The following ADAMTSL1 variants were observed in gnomAD, a reference collection of about 807,000 sequenced individuals.
The protein encoded by ADAMTSL1 is ADAMTS like 1, also known as ADAMTS-like protein 1.
Under a neutral mutation model 201.8 loss-of-function variants are expected in ADAMTSL1, and 126 were observed. The observed-to-expected ratio is 0.62, with a 90% confidence interval of 0.54 to 0.72. ADAMTSL1 has a LOEUF of 0.72. ADAMTSL1 is among the 30% of genes least tolerant of loss of function. The pLI is 0.00. For synonymous variants in ADAMTSL1, 1,121 were observed against 903.4 expected (o/e 1.24, Z -4.32); for missense variants, 2,679 against 2,277.8 (o/e 1.18, Z -3.59).
At position 18,157,038 on chromosome 9, in the gene ADAMTSL1, C is replaced by G. The variant is rs1008737365; in HGVS notation, c.88-6824C>G. ...TCTCAAAACCCATGTTCTCTCTACC[C>G]TACATCTAGGAAGGTGATGTCCTCC... On this transcript the variant is annotated intron_variant, in intron 1 of 29. Transcript: ENST00000680146. Among the ~76,000 whole-genome samples, 66 of 151,990 alleles carry G rather than the reference C, an allele frequency of 4.3e-4. 2 individuals are homozygous for G. Among genetic ancestry groups the G allele is most frequent in the Non-Finnish European group, 1.5e-4 (10 of 67,946 alleles).
At chr9:17,909,158 T>G (rs577013042) in intron 1 of ADAMTSL1, among the ~76,000 whole-genome samples, 140 of 146,268 alleles carry the variant, frequency 9.6e-4, no homozygotes, top group Non-Finnish European at 1.3e-3. Flanking sequence ...GCCCACTTTT[T>G]GATGGGGTTG....
Position 18,116,201 on chromosome 9 carries a change from C to T in ADAMTSL1, c.88-47661C>T, listed in dbSNP as rs558968743. On this transcript the variant is annotated intron_variant, in intron 1 of 29. Transcript: ENST00000680146. ...TCACTGCATAAACAGTGAACACAGACGTTTATGGACAATTAATGGACTACA... is the reference window on the plus strand; with the variant it reads ...TCACTGCATAAACAGTGAACACAGATGTTTATGGACAATTAATGGACTACA... 2.6e-4 allele frequency among the ~76,000 whole-genome samples: 39 copies of T among 152,132 alleles called. 2 individuals carry two copies. Among genetic ancestry groups the T allele is most frequent in the Admixed American group, 2.1e-3 (32 of 15,264 alleles).
intron 2 of ADAMTSL1, among the ~76,000 whole-genome samples, chr9:18,396,933 G>C (rs1331257417): frequency 6.6e-6 from 1 of 152,134 alleles, no homozygotes; most frequent in African/African-American, 2.4e-5. Context: ...CCTAAGAAAT[G>C]TATGCCTTGG....
At chr9:18,602,237 A>T (rs540067448) in intron 4 of ADAMTSL1, among the ~76,000 whole-genome samples, 1 of 152,290 alleles carries the variant, frequency 6.6e-6, no homozygotes, top group African/African-American at 2.4e-5. Flanking sequence ...GAGTGCTCAG[A>T]AGTTGATAAT....
chr9:18,211,160 A>T (rs1481726780), intron 2 of ADAMTSL1, among the ~76,000 whole-genome samples: 1 of 152,170 alleles, frequency 6.6e-6, no homozygotes, highest in Non-Finnish European at 1.5e-5. Context: ...TCCTTTTCCC[A>T]AAAGCAATAC....
rs1243682498 is a variant in ADAMTSL1, at chr9:18,426,554, G to C, written c.208-78275G>C. 4.6e-5 allele frequency among the ~76,000 whole-genome samples: 7 copies of C among 152,108 alleles called. No homozygotes were observed. The South Asian group carries it at 1.0e-3, about 22-fold the overall frequency. On this transcript the variant is annotated intron_variant, in intron 2 of 29. Transcript: ENST00000680146. ...TACTATTGGTTGATTTCTTACTATA[G>C]TTAGGAATTTTCTAGGCATTTTAAG...
chr9:18,138,468 G>A (rs920695212), intron 1 of ADAMTSL1, among the ~76,000 whole-genome samples: 1 of 152,068 alleles, frequency 6.6e-6, no homozygotes, highest in African/African-American at 2.4e-5. Context: ...CAAATTTGCT[G>A]AATTTTTGAA....
intron 1 of ADAMTSL1, among the ~76,000 whole-genome samples, chr9:17,937,621 C>CATGT (rs377122481): frequency 2.0e-5 from 3 of 151,684 alleles, no homozygotes; most frequent in African/African-American, 4.8e-5. Context: ...ATTTAAATTC[C>CATGT]TAAAATCTTG....
intron 1 of ADAMTSL1, among the ~76,000 whole-genome samples, chr9:18,022,615 C>G (rs890754113): frequency 6.6e-6 from 1 of 151,870 alleles, no homozygotes; most frequent in African/African-American, 2.4e-5. Flanking sequence ...TATGTGTGTA[C>G]AAGGCTTGTG....
intron 22 of ADAMTSL1, among the ~76,000 whole-genome samples, chr9:18,826,718 C>A (rs1824594265): frequency 6.6e-6 from 1 of 152,226 alleles, no homozygotes; most frequent in South Asian, 2.1e-4. Flanking sequence ...GCCTTAGATA[C>A]TGGTCTCTAT....
At chr9:18,152,782 A>G (rs552232939) in intron 1 of ADAMTSL1, among the ~76,000 whole-genome samples, 3 of 152,132 alleles carry the variant, frequency 2.0e-5, no homozygotes, top group East Asian at 3.9e-4. Context: ...TGCAAAAAAA[A>G]AGAAATCAAG....
intron 2 of ADAMTSL1, among the ~76,000 whole-genome samples, chr9:18,207,868 A>G (rs1829719041): frequency 6.7e-6 from 1 of 149,962 alleles, no homozygotes; most frequent in African/African-American, 2.4e-5. Context: ...GGATATAAAT[A>G]TAGAGTACTA....
chr9:18,573,250 G>C (rs1160222980), intron 3 of ADAMTSL1: 1 of 154,498 alleles, frequency 6.5e-6, no homozygotes, highest in African/African-American at 2.4e-5. Context: ...TATATTCCTT[G>C]TGCATATATT....
intron 1 of ADAMTSL1, among the ~76,000 whole-genome samples, chr9:18,130,312 T>C (rs1024092082): frequency 2.6e-5 from 4 of 152,210 alleles, no homozygotes; most frequent in African/African-American, 9.6e-5. Flanking sequence ...AATCAGGCCA[T>C]GTTCTTGAAA....
chr9:18,102,448 A>T (rs1431077533), intron 1 of ADAMTSL1, among the ~76,000 whole-genome samples: 2 of 152,206 alleles, frequency 1.3e-5, no homozygotes, highest in African/African-American at 2.4e-5. Context: ...GACAGTTCAC[A>T]AATGTTTCAA....
intron 2 of ADAMTSL1, chr9:18,164,018 A>G (rs573101862): frequency 6.6e-6 from 1 of 152,148 alleles, no homozygotes; most frequent in South Asian, 2.1e-4. Flanking sequence ...CACAGAAAAC[A>G]CTGAGGTTCA....
At chr9:18,490,464 A>T (rs562734489) in intron 1 of ADAMTSL1, among the ~76,000 whole-genome samples, 1 of 152,326 alleles carries the variant, frequency 6.6e-6, no homozygotes, top group South Asian at 2.1e-4. Context: ...TGGGGCCCCA[A>T]ATAGCGAGCT....
rs752678892 is a variant in ADAMTSL1 at position 18,777,340 on chromosome 9, G to A, written c.3111G>A (p.Glu1037=). 14 of 1,602,016 alleles carry A rather than the reference G, an allele frequency of 8.7e-6. No homozygotes were observed. Among genetic ancestry groups the A allele is most frequent in the Non-Finnish European group, 3.4e-6 (4 of 1,174,674 alleles). The change falls in exon 19 of 29, where the codon GAG becomes GAA. Residue 1037 remains glutamate, a synonymous_variant. Coordinates refer to ENST00000380548, the MANE Select transcript of ADAMTSL1 (RefSeq NM_001040272.6). ...TGGAGCAGGGCGGCTGGCCCGGAGA[G>A]CTGCTGGCCTCGTGGGAGGCGCAGG... The part of the protein sequence containing the change: ...RLLEQGGWPG[E]LLASWEAQDS...
intron 2 of ADAMTSL1, among the ~76,000 whole-genome samples, chr9:18,308,804 G>A (rs996214357): frequency 6.6e-6 from 1 of 152,078 alleles, no homozygotes; most frequent in Non-Finnish European, 1.5e-5. Context: ...CCAAACAATA[G>A]AAAAACAGTG....
Sources: allele counts gnomAD v4.1 joint callset (sites outside exome capture counted in the v4.1 genomes callset), GRCh38; gene constraint gnomAD v4.1.1; transcripts MANE v1.5; gene names NCBI Gene and HGNC (gene_info 2026-07-23, HGNC 2026-07-21).